The following SCAPER variants were observed in gnomAD, a reference collection of about 807,000 sequenced individuals.
The protein encoded by SCAPER is S-phase cyclin A associated protein in the ER, also known as S phase cyclin A-associated protein in the endoplasmic reticulum.
Under a neutral mutation model 182.2 loss-of-function variants are expected in SCAPER, and 98 were observed. The observed-to-expected ratio is 0.54, with a 90% CI of 0.46 to 0.64. The LOEUF is 0.64. Among genes scored for constraint, SCAPER ranks in the 30% least tolerant of loss-of-function variants. SCAPER has a pLI of 0.00. For missense variants in SCAPER, 1,432 were observed against 1,690.0 expected (o/e 0.85, Z 2.68); for synonymous variants, 605 against 564.6 (o/e 1.07, Z -1.01).
intron 14 of SCAPER, among the ~76,000 whole-genome samples, chr15:76,762,122 G>A (rs771426599): frequency 1.3e-5 from 2 of 152,038 alleles, no homozygotes; most frequent in Non-Finnish European, 2.9e-5. Context: ...CAATTTACAT[G>A]GAATAAGATA....
chr15:76,813,486 A>G (rs539817548), intron 5 of SCAPER, among the ~76,000 whole-genome samples: 1 of 152,014 alleles, frequency 6.6e-6, no homozygotes, highest in African/African-American at 2.4e-5. Context: ...AAGAAACAAA[A>G]GGCATTCAAA....
intron 23 of SCAPER, among the ~76,000 whole-genome samples, chr15:76,532,745 T>C (rs1407851898): frequency 6.6e-6 from 1 of 152,100 alleles, no homozygotes; most frequent in Non-Finnish European, 1.5e-5. Context: ...TGAGGGAGTA[T>C]TACAGAGGTA....
intron 26 of SCAPER, among the ~76,000 whole-genome samples, chr15:76,421,871 A>G (rs2046069149): frequency 6.6e-6 from 1 of 152,202 alleles, no homozygotes; most frequent in Non-Finnish European, 1.5e-5. Context: ...CCATTTATTA[A>G]ATAGGGAATC....
intron 1 of SCAPER, among the ~76,000 whole-genome samples, chr15:76,902,572 TAC>T (rs1325625353): frequency 1.3e-5 from 2 of 152,258 alleles, no homozygotes; most frequent in African/African-American, 4.8e-5. Context: ...GCCAGCCATT[TAC>T]AGTTTTCTCT....
At chr15:76,455,595 C>T (rs1044999482) in intron 25 of SCAPER, among the ~76,000 whole-genome samples, 1 of 152,202 alleles carries the variant, frequency 6.6e-6, no homozygotes, top group Non-Finnish European at 1.5e-5. Flanking sequence ...CTATCTCAGC[C>T]TTCTGAGAAG....
At chr15:76,652,748 C>T (rs972849142) in intron 21 of SCAPER, among the ~76,000 whole-genome samples, 4 of 151,504 alleles carry the variant, frequency 2.6e-5, no homozygotes, top group Non-Finnish European at 5.9e-5. Context: ...GAGCTATCTA[C>T]GATAAACCCA....
At chr15:76,880,884 A>G (rs2073489932) in intron 2 of SCAPER, among the ~76,000 whole-genome samples, 1 of 152,208 alleles carries the variant, frequency 6.6e-6, no homozygotes, top group Non-Finnish European at 1.5e-5. Context: ...AATGGCTACC[A>G]TCAAAAAAAC....
intron 17 of SCAPER, among the ~76,000 whole-genome samples, chr15:76,711,541 T>C (rs2059564823): frequency 6.6e-6 from 1 of 152,190 alleles, no homozygotes; most frequent in Admixed American, 6.5e-5. Flanking sequence ...TGTCAAGGGT[T>C]GTGAAGGAAC....
chr15:76,813,719 A>C (rs2066852440), intron 5 of SCAPER, among the ~76,000 whole-genome samples: 1 of 152,206 alleles, frequency 6.6e-6, no homozygotes, highest in Non-Finnish European at 1.5e-5. Flanking sequence ...ATAGCACCAA[A>C]AGAATCAAAT....
chr15:76,571,020 T>C (rs908407224), intron 23 of SCAPER, among the ~76,000 whole-genome samples: 1 of 152,098 alleles, frequency 6.6e-6, no homozygotes, highest in Admixed American at 6.6e-5. Flanking sequence ...AATGTGGTCT[T>C]ATCTTTATGA....
intron 24 of SCAPER, chr15:76,472,046 T>C: frequency 3.7e-6 from 1 of 268,822 alleles, no homozygotes; most frequent in Non-Finnish European, 7.4e-6. Context: ...CCGACCAGTC[T>C]GCCTGCTGCT....
At chr15:76,758,507 G>A (rs897923360) in intron 14 of SCAPER, among the ~76,000 whole-genome samples, 4 of 152,086 alleles carry the variant, frequency 2.6e-5, no homozygotes, top group African/African-American at 4.8e-5. Flanking sequence ...AAAATTTAAA[G>A]TTAGAAAGTG....
chr15:76,588,572 G>C (rs1175901054), intron 22 of SCAPER, among the ~76,000 whole-genome samples: 1 of 152,184 alleles, frequency 6.6e-6, no homozygotes, highest in Non-Finnish European at 1.5e-5. Context: ...CTTTTGAGTG[G>C]AGCATTTAGG....
chr15:76,388,070 C>T (rs2043405009), intron 27 of SCAPER, among the ~76,000 whole-genome samples: 1 of 152,204 alleles, frequency 6.6e-6, no homozygotes, highest in Non-Finnish European at 1.5e-5. Context: ...GTGTCCAGCA[C>T]TGGGTGCAGC....
intron 5 of SCAPER, among the ~76,000 whole-genome samples, chr15:76,821,517 G>A (rs146708516): frequency 1.1e-4 from 16 of 152,322 alleles, no homozygotes; most frequent in Admixed American, 1.0e-3. Flanking sequence ...AGCTACTAGA[G>A]AGGCTGAGGT....
rs750616931 is a variant in SCAPER, at chr15:76,665,824, G to T, written c.2509-35C>A. The stretch of plus-strand genomic sequence containing the variant: ...AAATAAATAAAATAATAATAATGAG[G>T]ATGATCATTTAAATATAATATAGGA... On this transcript the variant is annotated intron_variant, in intron 20 of 31. Coordinates refer to ENST00000563290, the MANE Select transcript of SCAPER (RefSeq NM_020843.4). 4.2e-6 allele frequency: 6 copies of T among 1,437,342 alleles called. No individual in the cohort carries two copies. The South Asian group carries it at 5.7e-5, about 14-fold the overall frequency. The allele number at this position is 1,437,342 out of a possible 1,614,324, so 89.0% of individuals were successfully genotyped here. A position where few individuals can be genotyped will look rare whatever the true frequency, so the allele number is the denominator to read the frequency against.
At chr15:76,489,247 A>G (rs900110465) in intron 24 of SCAPER, among the ~76,000 whole-genome samples, 2 of 139,738 alleles carry the variant, frequency 1.4e-5, no homozygotes, top group African/African-American at 2.6e-5. Context: ...GAAAAAAACC[A>G]CAATTACTTT....
chr15:76,640,381 A>G (rs2054003756), intron 21 of SCAPER, among the ~76,000 whole-genome samples: 1 of 152,216 alleles, frequency 6.6e-6, no homozygotes. Context: ...CACAATTGGG[A>G]ATCAGTAAAA....
At chr15:76,725,533 C>T (rs1324445829) in intron 17 of SCAPER, among the ~76,000 whole-genome samples, 5 of 151,902 alleles carry the variant, frequency 3.3e-5, no homozygotes, top group African/African-American at 7.2e-5. Flanking sequence ...CTCAAAGGAT[C>T]CTCAAGCCAA....
Sources: gnomAD v4.1 joint callset for allele counts (sites outside exome capture counted in the v4.1 genomes callset) on GRCh38, gnomAD v4.1.1 for gene constraint, MANE v1.5 for transcripts, NCBI Gene and HGNC (gene_info 2026-07-23, HGNC 2026-07-21) for gene names.